ST7: variants seen among roughly 807,000 people sequenced by gnomAD.
The protein encoded by ST7 is suppression of tumorigenicity 7.
In ST7, 28 loss-of-function variants were observed where a neutral mutation model predicts 78.7. The ratio of observed to expected loss-of-function variants is 0.36; its 90% CI spans 0.26 to 0.49. The LOEUF (loss-of-function observed/expected upper bound fraction) is 0.49. ST7 is among the 20% of genes least tolerant of loss of function. The pLI is 0.99. For synonymous variants in ST7, 247 were observed against 249.6 expected (o/e 0.99, Z 0.10); for missense variants, 418 against 696.0 (o/e 0.60, Z 4.49).
At chr7:117,147,891 AGCAT>A (rs1805936825) in intron 9 of ST7, among the ~76,000 whole-genome samples, 1 of 151,994 alleles carries the variant, frequency 6.6e-6, no homozygotes, top group Admixed American at 6.6e-5. Context: ...ATGCTTAGAA[AGCAT>A]ACATCATATG....
At chr7:117,213,041 C>T (rs1792414770) in intron 13 of ST7, among the ~76,000 whole-genome samples, 1 of 152,192 alleles carries the variant, frequency 6.6e-6, no homozygotes, top group Non-Finnish European at 1.5e-5. Flanking sequence ...TTTTTAGAAA[C>T]TGTGAAGCAC....
intron 1 of ST7, among the ~76,000 whole-genome samples, chr7:116,999,817 T>C (rs868644577): frequency 2.2e-3 from 318 of 143,344 alleles, no homozygotes; most frequent in African/African-American, 7.5e-3. Flanking sequence ...TCTTTTTTTT[T>C]TTTTTTTTTT....
intron 9 of ST7, among the ~76,000 whole-genome samples, chr7:117,140,394 C>T (rs1429968183): frequency 6.6e-6 from 1 of 151,998 alleles, no homozygotes; most frequent in Non-Finnish European, 1.5e-5. Context: ...TTCATTTAGT[C>T]TTCTGTAAAT....
chr7:117,211,276 A>G (rs1250719089), intron 13 of ST7, among the ~76,000 whole-genome samples: 1 of 152,232 alleles, frequency 6.6e-6, no homozygotes, highest in Non-Finnish European at 1.5e-5. Flanking sequence ...GTGTAATAGC[A>G]CACTCCAGGT....
intron 1 of ST7, chr7:117,073,704 C>G (rs1799140712): frequency 6.6e-6 from 1 of 152,162 alleles, no homozygotes; most frequent in African/African-American, 2.4e-5. Flanking sequence ...TAGTACATAC[C>G]TCAGAGGGTA....
At chr7:117,153,961 A>G (rs1455534382) in intron 9 of ST7, among the ~76,000 whole-genome samples, 1 of 152,200 alleles carries the variant, frequency 6.6e-6, no homozygotes, top group Non-Finnish European at 1.5e-5. Flanking sequence ...GGGAGAAATT[A>G]AACATGCATA....
At chr7:117,099,388 T>C (rs1363484151) in intron 1 of ST7, among the ~76,000 whole-genome samples, 1 of 152,212 alleles carries the variant, frequency 6.6e-6, no homozygotes, top group East Asian at 1.9e-4. Flanking sequence ...TCAGGGACTC[T>C]GATGTGCAGG....
chr7:117,176,074 T>G (rs1365764861), intron 10 of ST7, among the ~76,000 whole-genome samples: 6 of 152,148 alleles, frequency 3.9e-5, no homozygotes, highest in Non-Finnish European at 8.8e-5. Flanking sequence ...AAGGAAAAAT[T>G]ACTTCTTTGG....
chr7:117,059,914 T>A (rs950969911), intron 1 of ST7, among the ~76,000 whole-genome samples: 1 of 151,026 alleles, frequency 6.6e-6, no homozygotes, highest in African/African-American at 2.4e-5. Context: ...TCTCAGGAGG[T>A]TGAGGCTGCA....
At chr7:116,977,209 T>C (rs987382150) in intron 1 of ST7, among the ~76,000 whole-genome samples, 3 of 152,252 alleles carry the variant, frequency 2.0e-5, no homozygotes, top group Non-Finnish European at 4.4e-5. Context: ...GCATTCGTAA[T>C]TTTCTTTCCA....
chr7:117,199,130 G>A (rs951836941), intron 12 of ST7: 1 of 152,110 alleles, frequency 6.6e-6, no homozygotes, highest in African/African-American at 2.4e-5. Flanking sequence ...CTACCACCAG[G>A]ACAAGCAGAG....
intron 1 of ST7, among the ~76,000 whole-genome samples, chr7:117,016,831 C>T (rs1451795039): frequency 6.6e-6 from 1 of 152,160 alleles, no homozygotes; most frequent in Non-Finnish European, 1.5e-5. Context: ...ATCTATTAAA[C>T]TTTGAAGAGA....
At chr7:117,081,892 T>TGAGAGAGA (rs142782899) in intron 1 of ST7, among the ~76,000 whole-genome samples, 79 of 147,064 alleles carry the variant, frequency 5.4e-4, no homozygotes, top group Non-Finnish European at 7.3e-4. Flanking sequence ...AAATAGAGAT[T>TGAGAGAGA]GAGAGAGAGA....
intron 1 of ST7, among the ~76,000 whole-genome samples, chr7:116,991,737 T>C (rs1246018070): frequency 6.6e-6 from 1 of 152,104 alleles, no homozygotes; most frequent in Non-Finnish European, 1.5e-5. Flanking sequence ...TCCCCCAAAG[T>C]CTTAACTCAT....
chr7:117,058,958 C>G (rs1032871800), intron 1 of ST7, among the ~76,000 whole-genome samples: 2 of 152,122 alleles, frequency 1.3e-5, no homozygotes, highest in Non-Finnish European at 2.9e-5. Context: ...AGAGAAACTT[C>G]GCCTGTTCTC....
At chr7:117,028,443 T>C (rs1796313250) in intron 1 of ST7, among the ~76,000 whole-genome samples, 1 of 152,114 alleles carries the variant, frequency 6.6e-6, no homozygotes, top group Non-Finnish European at 1.5e-5. Context: ...GTGACTCCAT[T>C]GGGGTATTCT....
chr7:117,097,906 ATAT>A (rs1245368817), intron 1 of ST7, among the ~76,000 whole-genome samples: 51 of 30,918 alleles, frequency 1.6e-3, no homozygotes, highest in Non-Finnish European at 2.7e-3. Context: ...ATATATATAT[ATAT>A]TTTTTTTTTT....
At chr7:116,967,803 T>C (rs1328582607) in intron 1 of ST7, among the ~76,000 whole-genome samples, 1 of 152,244 alleles carries the variant, frequency 6.6e-6, no homozygotes, top group Admixed American at 6.5e-5. Flanking sequence ...TACTATAATA[T>C]TGACTTTGTT....
intron 10 of ST7, among the ~76,000 whole-genome samples, chr7:117,185,133 T>A (rs192566862): frequency 6.6e-6 from 1 of 152,292 alleles, no homozygotes; most frequent in Admixed American, 6.5e-5. Flanking sequence ...GGTTTAGATG[T>A]TACGCAGTTA....
Sources: allele counts gnomAD v4.1 joint callset (sites outside exome capture counted in the v4.1 genomes callset), GRCh38; gene constraint gnomAD v4.1.1; transcripts MANE v1.5; gene names NCBI Gene and HGNC (gene_info 2026-07-23, HGNC 2026-07-21).